Variants in ACVR2A observed in about 807,000 individuals in gnomAD.
ACVR2A encodes activin receptor type-2A.
Under a neutral mutation model 61.4 loss-of-function variants are expected in ACVR2A, and 7 were observed. The ratio of observed to expected loss-of-function variants is 0.11; its 90% CI spans 0.06 to 0.21. The LOEUF is 0.21. Ranked by LOEUF, ACVR2A falls within the 10% of genes least tolerant of loss-of-function variation. ACVR2A has a pLI of 1.00. For missense variants in ACVR2A, 322 were observed against 621.7 expected (o/e 0.52, Z 5.13); for synonymous variants, 193 against 208.3 (o/e 0.93, Z 0.63).
intron 9 of ACVR2A, 47 bp downstream of exon 9, chr2:147,923,158 C>A: frequency 6.4e-7 from 1 of 1,555,764 alleles, no homozygotes; most frequent in Non-Finnish European, 8.7e-7. Flanking sequence ...GCCTACCACA[C>A]ATATATGAAA....
intron 4 of ACVR2A, among the ~76,000 whole-genome samples, chr2:147,908,893 G>T (rs1687051679): frequency 1.3e-5 from 2 of 152,036 alleles, no homozygotes. Flanking sequence ...GTAAATAAAA[G>T]AAATCTTATA....
intron 4 of ACVR2A, among the ~76,000 whole-genome samples, chr2:147,904,300 T>C (rs1008621108): frequency 6.6e-6 from 1 of 151,964 alleles, no homozygotes; most frequent in Non-Finnish European, 1.5e-5. Flanking sequence ...AGAAGTCTTA[T>C]TGTGGTTAGA....
At chr2:147,875,427 C>T (rs957722677) in intron 1 of ACVR2A, among the ~76,000 whole-genome samples, 66 of 152,086 alleles carry the variant, frequency 4.3e-4, no homozygotes, top group African/African-American at 1.5e-3. Context: ...TACAGTGTTT[C>T]GTGCTTTAAA....
intron 4 of ACVR2A, among the ~76,000 whole-genome samples, chr2:147,906,703 G>T (rs911474148): frequency 6.6e-6 from 1 of 151,834 alleles, no homozygotes; most frequent in Middle Eastern, 3.4e-3. Flanking sequence ...AAATTAACTT[G>T]GTGTAATAAA....
intron 1 of ACVR2A, among the ~76,000 whole-genome samples, chr2:147,870,200 A>G (rs1685974721): frequency 6.6e-6 from 1 of 152,146 alleles, no homozygotes; most frequent in Admixed American, 6.6e-5. Flanking sequence ...TGTCTGACCT[A>G]TAAGAAAACC....
chr2:147,891,862 A>C (rs1686590633), intron 1 of ACVR2A, among the ~76,000 whole-genome samples: 1 of 152,214 alleles, frequency 6.6e-6, no homozygotes, highest in South Asian at 2.1e-4. Context: ...TAAAGGAGGA[A>C]ACTTACCTTG....
Position 147,927,381 on chromosome 2 carries a change from C to A in ACVR2A, c.*107C>A. On this transcript the variant is annotated 3_prime_UTR_variant, in exon 11 of 11. Transcript: ENST00000241416. Reference sequence around the variant, plus strand: ...TCTGTGTAAAATGAGTAGGATGTCTCTTGGAAATGTTAAGAAAGAAGACCC... The same window carrying A: ...TCTGTGTAAAATGAGTAGGATGTCTATTGGAAATGTTAAGAAAGAAGACCC... 9.1e-7 allele frequency: 1 copy of A among 1,101,896 alleles called. No homozygotes were observed. Among genetic ancestry groups the A allele is most frequent in the Non-Finnish European group, 1.3e-6 (1 of 793,832 alleles). 68.3% of individuals were successfully genotyped at this position (1,101,896 alleles called of 1,614,324 possible). A position where few individuals can be genotyped will look rare whatever the true frequency, so the allele number is the denominator to read the frequency against.
intron 1 of ACVR2A, among the ~76,000 whole-genome samples, chr2:147,886,009 C>T (rs752746074): frequency 2.6e-5 from 4 of 152,078 alleles, no homozygotes; most frequent in Non-Finnish European, 4.4e-5. Context: ...GATTATTAAG[C>T]ATAGTCAGAG....
At chr2:147,922,855 A>G in intron 8 of ACVR2A, 118 bp from the exon 9 acceptor site, 1 of 940,412 alleles carries the variant, frequency 1.1e-6, no homozygotes, top group East Asian at 2.4e-5. Flanking sequence ...TATACGCTAT[A>G]GTGTGTATAC....
intron 1 of ACVR2A, among the ~76,000 whole-genome samples, chr2:147,876,611 A>C (rs1168408162): frequency 2.0e-5 from 3 of 152,176 alleles, no homozygotes; most frequent in Non-Finnish European, 4.4e-5. Context: ...CAGAATTACA[A>C]GGGCTTTTAA....
chr2:147,915,905 C>G (rs1426638609), intron 5 of ACVR2A, among the ~76,000 whole-genome samples: 1 of 151,702 alleles, frequency 6.6e-6, no homozygotes, highest in Non-Finnish European at 1.5e-5. Context: ...CTGAGCTATT[C>G]TTGTGTTTTG....
At chr2:147,889,614 G>T (rs1052808297) in intron 1 of ACVR2A, among the ~76,000 whole-genome samples, 1 of 151,996 alleles carries the variant, frequency 6.6e-6, no homozygotes, top group Non-Finnish European at 1.5e-5. Context: ...AAGCTTGGTG[G>T]CTGCCGCCTG....
At chr2:147,860,325 A>G (rs1035013701) in intron 1 of ACVR2A, among the ~76,000 whole-genome samples, 3 of 152,084 alleles carry the variant, frequency 2.0e-5, no homozygotes, top group African/African-American at 4.8e-5. Flanking sequence ...GGCCACCCAG[A>G]TGGGTTGGCT....
At chr2:147,872,153 C>A (rs1243256249) in intron 1 of ACVR2A, among the ~76,000 whole-genome samples, 1 of 152,012 alleles carries the variant, frequency 6.6e-6, no homozygotes, top group African/African-American at 2.4e-5. Context: ...TGATAGCTCA[C>A]TTCTTAAGTG....
intron 4 of ACVR2A, among the ~76,000 whole-genome samples, chr2:147,903,945 A>G (rs1573695491): frequency 6.6e-6 from 1 of 152,024 alleles, no homozygotes; most frequent in African/African-American, 2.4e-5. Flanking sequence ...TACTGAGATG[A>G]TAATGAAGTA....
At chr2:147,845,929 G>T (rs1330884368) in intron 1 of ACVR2A, among the ~76,000 whole-genome samples, 2 of 152,118 alleles carry the variant, frequency 1.3e-5, no homozygotes, top group Non-Finnish European at 2.9e-5. Flanking sequence ...GCTTTGTATT[G>T]AAGCATTGTT....
intron 4 of ACVR2A, among the ~76,000 whole-genome samples, chr2:147,905,103 A>G (rs1162733262): frequency 6.6e-6 from 1 of 151,842 alleles, no homozygotes; most frequent in African/African-American, 2.4e-5. Context: ...AAATAGAATC[A>G]TTTTCTCCTC....
At chr2:147,890,552 A>G (rs1374053102) in intron 1 of ACVR2A, among the ~76,000 whole-genome samples, 1 of 152,170 alleles carries the variant, frequency 6.6e-6, no homozygotes, top group Admixed American at 6.5e-5. Flanking sequence ...ATCATTGGTT[A>G]AGAACTGCTG....
At chr2:147,851,169 A>G (rs1279781396) in intron 1 of ACVR2A, among the ~76,000 whole-genome samples, 1 of 152,120 alleles carries the variant, frequency 6.6e-6, no homozygotes, top group Admixed American at 6.5e-5. Flanking sequence ...CCTTGCTTAA[A>G]ACCTTTCACT....
Sources: allele counts gnomAD v4.1 joint callset (sites outside exome capture counted in the v4.1 genomes callset), GRCh38; gene constraint gnomAD v4.1.1; transcripts MANE v1.5; gene names NCBI Gene and HGNC (gene_info 2026-07-23, HGNC 2026-07-21).